Variants in PLCL1 observed in about 807,000 individuals in gnomAD.
The protein encoded by PLCL1 is inactive phospholipase C-like protein 1.
A neutral mutation model predicts 84.4 loss-of-function variants in PLCL1; 41 were observed. The ratio of observed to expected loss-of-function variants is 0.49; its 90% CI spans 0.38 to 0.63. PLCL1 has a LOEUF of 0.63. Ranked by LOEUF, PLCL1 falls within the 30% of genes least tolerant of loss-of-function variation. The pLI, the probability that PLCL1 is intolerant of heterozygous loss-of-function variation, is 0.00. For missense variants in PLCL1, 1,206 were observed against 1,367.8 expected, an observed-to-expected ratio of 0.88 and a Z score of 1.87; for synonymous variants, 490 against 488.3, an observed-to-expected ratio of 1.00 and a Z score of -0.05.
chr2:197,996,834 G>C (rs1345349259), intron 1 of PLCL1, among the ~76,000 whole-genome samples: 1 of 152,100 alleles, frequency 6.6e-6, no homozygotes, highest in African/African-American at 2.4e-5. Flanking sequence ...TACTAGTAAA[G>C]CAACCCAAAT....
chr2:197,910,371 G>T (rs990509270), intron 1 of PLCL1, among the ~76,000 whole-genome samples: 6 of 152,184 alleles, frequency 3.9e-5, no homozygotes, highest in African/African-American at 1.4e-4. Flanking sequence ...TGTCCTACTT[G>T]GGCAGGAATT....
At chr2:198,141,550 G>A (rs1435733964) in intron 5 of PLCL1, among the ~76,000 whole-genome samples, 2 of 151,384 alleles carry the variant, frequency 1.3e-5, no homozygotes, top group African/African-American at 4.9e-5. Flanking sequence ...CTCAAATGAA[G>A]GACATTGTAG....
At chr2:197,868,604 A>T (rs1687590554) in intron 1 of PLCL1, among the ~76,000 whole-genome samples, 1 of 151,872 alleles carries the variant, frequency 6.6e-6, no homozygotes, top group Admixed American at 6.6e-5. Flanking sequence ...GGCGCAAGTG[A>T]TCCTCCCACC....
chr2:197,953,851 G>GTTT (rs57247809), intron 1 of PLCL1, among the ~76,000 whole-genome samples: 1 of 146,402 alleles, frequency 6.8e-6, no homozygotes. Flanking sequence ...GTATTCCAGA[G>GTTT]TTTTTTTTTT....
chr2:198,051,798 G>A (rs1574275419), intron 1 of PLCL1, among the ~76,000 whole-genome samples: 1 of 152,086 alleles, frequency 6.6e-6, no homozygotes, highest in Non-Finnish European at 1.5e-5. Context: ...GCAGTGGCGC[G>A]ATCTCGGCTC....
At chr2:197,946,599 A>G (rs1689277230) in intron 1 of PLCL1, among the ~76,000 whole-genome samples, 1 of 152,168 alleles carries the variant, frequency 6.6e-6, no homozygotes, top group Admixed American at 6.5e-5. Flanking sequence ...AGAGTTCTGG[A>G]ATCAAGGGAG....
intron 1 of PLCL1, among the ~76,000 whole-genome samples, chr2:197,980,339 T>G (rs2105804293): frequency 6.6e-6 from 1 of 152,310 alleles, no homozygotes; most frequent in East Asian, 1.9e-4. Context: ...GTTAAGTTTC[T>G]GGGAGGTTCC....
chr2:198,020,770 G>T (rs1450792244), intron 1 of PLCL1, among the ~76,000 whole-genome samples: 1 of 152,128 alleles, frequency 6.6e-6, no homozygotes, highest in East Asian at 1.9e-4. Flanking sequence ...GGCCTACAAA[G>T]AGACTTAGCC....
At chr2:197,813,559 T>C (rs950146289) in intron 1 of PLCL1, among the ~76,000 whole-genome samples, 10 of 152,162 alleles carry the variant, frequency 6.6e-5, no homozygotes, top group Non-Finnish European at 1.0e-4. Flanking sequence ...TAATCTAATA[T>C]ATAAAACACC....
At chr2:197,872,722 C>T (rs984762283) in intron 1 of PLCL1, among the ~76,000 whole-genome samples, 2 of 152,092 alleles carry the variant, frequency 1.3e-5, no homozygotes, top group Non-Finnish European at 2.9e-5. Flanking sequence ...TCTCAATTAG[C>T]TATTTTTGTG....
chr2:198,141,507 C>A (rs1277880127), intron 5 of PLCL1, among the ~76,000 whole-genome samples: 2 of 147,626 alleles, frequency 1.4e-5, no homozygotes, highest in African/African-American at 5.0e-5. Flanking sequence ...TCTAACATGA[C>A]ATCAAAACAT....
intron 1 of PLCL1, among the ~76,000 whole-genome samples, chr2:197,992,695 C>T (rs1690369945): frequency 6.6e-6 from 1 of 152,220 alleles, no homozygotes; most frequent in South Asian, 2.1e-4. Context: ...TCATTAAACA[C>T]TAACCCTCCA....
At chr2:198,143,530 AGTTTGGGGGT>A (rs1437362371) in intron 5 of PLCL1, among the ~76,000 whole-genome samples, 6 of 152,306 alleles carry the variant, frequency 3.9e-5, no homozygotes, top group Admixed American at 6.5e-5. Context: ...GGTTAAGAGA[AGTTTGGGGGT>A]GTTTGTGACA....
At chr2:197,877,885 A>C (rs952873373) in intron 1 of PLCL1, among the ~76,000 whole-genome samples, 1 of 152,078 alleles carries the variant, frequency 6.6e-6, no homozygotes, top group African/African-American at 2.4e-5. Context: ...ATTGTGTGCA[A>C]ATGTAGTAAA....
At chr2:197,930,510 C>T (rs1688911082) in intron 1 of PLCL1, among the ~76,000 whole-genome samples, 1 of 152,078 alleles carries the variant, frequency 6.6e-6, no homozygotes, top group Non-Finnish European at 1.5e-5. Context: ...ATAACTGGGT[C>T]TTTTGTTTTT....
At chr2:198,019,935 G>A (rs765307559) in intron 1 of PLCL1, among the ~76,000 whole-genome samples, 111 of 152,064 alleles carry the variant, frequency 7.3e-4, no homozygotes, top group African/African-American at 6.3e-4. Flanking sequence ...ACACATAATC[G>A]TCAGATTTAC....
At chr2:197,842,032 A>G (rs1574907977) in intron 1 of PLCL1, among the ~76,000 whole-genome samples, 1 of 152,180 alleles carries the variant, frequency 6.6e-6, no homozygotes, top group Admixed American at 6.6e-5. Context: ...AGCTGGGGGA[A>G]AAAATGAAGC....
At chr2:198,020,879 A>T (rs916789086) in intron 1 of PLCL1, among the ~76,000 whole-genome samples, 4 of 152,208 alleles carry the variant, frequency 2.6e-5, no homozygotes, top group African/African-American at 9.7e-5. Context: ...ACTGGAACTC[A>T]GCTCTAGACC....
intron 1 of PLCL1, among the ~76,000 whole-genome samples, chr2:198,014,275 C>T (rs1036372223): frequency 6.6e-6 from 1 of 152,028 alleles, no homozygotes; most frequent in Admixed American, 6.6e-5. Flanking sequence ...AATGAAAATT[C>T]TTAGGGTGTA....
Sources: gnomAD v4.1 joint callset for allele counts (sites outside exome capture counted in the v4.1 genomes callset) on GRCh38, gnomAD v4.1.1 for gene constraint, MANE v1.5 for transcripts, NCBI Gene and HGNC (gene_info 2026-07-23, HGNC 2026-07-21) for gene names.